Variants in ZNF7 observed in about 807,000 individuals in gnomAD.
The protein encoded by ZNF7 is C2-H2 type zinc finger protein.
ZNF7 carries 10 observed loss-of-function variants against 12.0 expected under a neutral mutation model. The observed-to-expected ratio is 0.83, with a 90% CI of 0.51 to 1.42. The LOEUF (loss-of-function observed/expected upper bound fraction) is 1.42. Ranked by LOEUF, ZNF7 falls within the 40% of genes most tolerant of loss-of-function variation. ZNF7 has a pLI of 0.00. For missense variants in ZNF7, 854 were observed against 837.2 expected (o/e 1.02, Z -0.25); for synonymous variants, 334 against 295.0 (o/e 1.13, Z -1.35).
chr8:144,840,260 C>T (rs561075724), intron 4 of ZNF7, among the ~76,000 whole-genome samples: 2 of 152,212 alleles, frequency 1.3e-5, no homozygotes, highest in East Asian at 3.9e-4. Flanking sequence ...CCTTGAGCAT[C>T]CCTGCTACAC....
rs1241882831 is a variant in ZNF7 at position 144,843,536 on chromosome 8, T to TGG, written c.*369_*370insGG. The TGG allele has an allele frequency of 6.7e-6, 1 of 148,360 alleles. No individual in the cohort carries two copies. The highest frequency in any genetic ancestry group is 7.8e-5 in the Admixed American group (1 of 12,866). 9.2% of individuals were successfully genotyped at this position (148,360 alleles called of 1,614,324 possible). A position where few individuals can be genotyped will look rare whatever the true frequency, so the allele number is the denominator to read the frequency against. ...CCAGGAGGCGGAGCTTGCAGTGAGC[T>TGG]GAGATCGCGCCACTGCACTCCAGCC... On this transcript the variant is annotated 3_prime_UTR_variant, in exon 5 of 5. Transcript: ENST00000532777.
chr8:144,842,901 A>ACAC lies in ZNF7; in HGVS notation c.1797_1799dup (p.His599dup). On this transcript the variant is annotated inframe_insertion, in exon 5 of 5. Transcript: ENST00000532777. ...TCAGCCGGAGCTCATATCTTATTGA[A>ACAC]CACCAGAGAATACACACTAGGGCCC... 1 of 1,614,200 alleles carries ACAC rather than the reference A, an allele frequency of 6.2e-7. No homozygotes were observed. Among genetic ancestry groups the ACAC allele is most frequent in the Non-Finnish European group, 8.5e-7 (1 of 1,180,036 alleles).
chr8:144,836,490 A>G (rs1294272853), intron 3 of ZNF7: 1 of 152,186 alleles, frequency 6.6e-6, no homozygotes, highest in Non-Finnish European at 1.5e-5. Flanking sequence ...ACTGAGTTGC[A>G]TTTGCCTGGG....
intron 3 of ZNF7, chr8:144,835,026 G>A (rs1375404808): frequency 6.6e-6 from 1 of 151,608 alleles, no homozygotes; most frequent in East Asian, 1.9e-4. Context: ...ACAGGCATGA[G>A]CCACCACGAC....
chr8:144,844,432 C>G (rs901523342), downstream of ZNF7, among the ~76,000 whole-genome samples: 2 of 151,974 alleles, frequency 1.3e-5, no homozygotes, highest in African/African-American at 2.4e-5. Context: ...GAAAATGGGC[C>G]GGGCGTGGTG....
downstream of ZNF7, among the ~76,000 whole-genome samples, chr8:144,844,726 A>AAAC (rs1563850648): frequency 0.02 from 1,200 of 60,808 alleles, 32 homozygotes; most frequent in African/African-American, 0.072. Context: ...AAAAAAAAAA[A>AAAC]AAAAAAAAAA....
At chr8:144,841,002 C>CA (rs1209727830) in intron 4 of ZNF7, 1 of 229,014 alleles carries the variant, frequency 4.4e-6, no homozygotes, top group African/African-American at 2.3e-5. Flanking sequence ...CCTGACCCCG[C>CA]AGCCCAATCC....
chr8:144,828,321 T>C lies in ZNF7; in HGVS notation c.-46+712T>C, dbSNP rs553523732. Among the ~76,000 whole-genome samples the C allele has an allele frequency of 2.6e-5, 4 of 152,360 alleles. No homozygotes were observed. In the East Asian group the frequency reaches 7.7e-4, roughly 29 times the overall value. On this transcript the variant is annotated intron_variant, in intron 1 of 4. Transcript: ENST00000532777. Reference sequence around the variant, plus strand: ...TACATCCCTGTGCCTGGTTCCATCCTGGCGACAGGTGAGCTGGAGACTGGA... The same window carrying C: ...TACATCCCTGTGCCTGGTTCCATCCCGGCGACAGGTGAGCTGGAGACTGGA...
intron 4 of ZNF7, 148 bp from the exon 5 acceptor site, chr8:144,841,207 C>T (rs1829863212): frequency 1.3e-6 from 1 of 773,958 alleles, no homozygotes; most frequent in Non-Finnish European, 2.1e-6. Context: ...GTCAAAGGCT[C>T]TGCCTTCTCT....
At chr8:144,829,770 C>T (rs1828217325) in intron 3 of ZNF7, 166 bp downstream of exon 3, 1 of 890,674 alleles carries the variant, frequency 1.1e-6, no homozygotes, top group East Asian at 2.9e-5. Flanking sequence ...CTAGCTTTGC[C>T]CATGTCATGG....
In ZNF7 at chr8:144,841,467, T is replaced by C. The variant is rs1400594784; in HGVS notation, c.360T>C (p.Pro120=). The C allele has an allele frequency of 6.2e-7, 1 of 1,614,124 alleles. No individual in the cohort carries two copies. Among genetic ancestry groups the C allele is most frequent in the African/African-American group, 1.3e-5 (1 of 74,954 alleles). Residue 120 remains proline (P), a synonymous_variant, in exon 5 of 5, where the codon CCT becomes CCC. Coordinates refer to ENST00000532777, the MANE Select transcript of ZNF7 (RefSeq NM_003416.4). ...CCCCACAGGACTTTCCTCAGAATCC[T>C]GGCTTTGGAGACGTTTCTGATTCTG... is the stretch of plus-strand genomic sequence containing the variant. ...RISPQDFPQN[P]GFGDVSDSEV...
intron 3 of ZNF7, among the ~76,000 whole-genome samples, chr8:144,832,961 G>C (rs1828607842): frequency 6.6e-6 from 1 of 152,164 alleles, no homozygotes; most frequent in East Asian, 1.9e-4. Context: ...TTTGAAGTAG[G>C]CCGAGGTGGG....
intron 3 of ZNF7, chr8:144,834,028 C>CG (rs1828730676): frequency 1.3e-5 from 2 of 151,430 alleles, no homozygotes; most frequent in Middle Eastern, 3.4e-3. Flanking sequence ...CCGTCTGCCT[C>CG]GACCTCCCAA....
chr8:144,830,691 C>T lies in ZNF7; in HGVS notation c.130+1087C>T, dbSNP rs374688600. 7.3e-5 allele frequency among the ~76,000 whole-genome samples: 11 copies of T among 150,568 alleles called. No individual in the cohort carries two copies. In the South Asian group the frequency reaches 2.3e-3, roughly 32 times the overall value. On this transcript the variant is annotated intron_variant, in intron 3 of 4. Coordinates refer to ENST00000532777, the MANE Select transcript of ZNF7 (RefSeq NM_003416.4). ...CTCATTTAGATGTGGTTTACCCTGT[C>T]TCACTGAAATAGGAAAAGACACATG...
chr8:144,846,108 C>T, downstream of ZNF7: 1 of 1,523,078 alleles, frequency 6.6e-7, no homozygotes, highest in Non-Finnish European at 8.7e-7. Flanking sequence ...CTCTCGTCAT[C>T]TCCTCTTGGC....
chr8:144,829,779 G>T (rs1453845073), intron 3 of ZNF7, 175 bp downstream of exon 3: 2 of 769,998 alleles, frequency 2.6e-6, no homozygotes, highest in Admixed American at 3.4e-5. Flanking sequence ...CCCATGTCAT[G>T]GGGTTCAGCC....
chr8:144,833,875 G>A (rs182308597), intron 3 of ZNF7: 10 of 151,948 alleles, frequency 6.6e-5, no homozygotes, highest in African/African-American at 2.2e-4. Flanking sequence ...CCGGCTGTTG[G>A]GTTCAAGTGA....
intron 1 of ZNF7, chr8:144,828,179 G>C (rs1828009543): frequency 6.6e-6 from 1 of 152,174 alleles, no homozygotes; most frequent in Admixed American, 6.5e-5. Flanking sequence ...CCACTTTCTG[G>C]GCCAGAAGCT....
intron 3 of ZNF7, among the ~76,000 whole-genome samples, chr8:144,831,459 C>T (rs1186824517): frequency 3.3e-5 from 5 of 152,148 alleles, no homozygotes; most frequent in Non-Finnish European, 1.5e-5. Context: ...TTCCTAGATG[C>T]GTCCAAGAGA....
Sources: gnomAD v4.1 joint callset for allele counts (sites outside exome capture counted in the v4.1 genomes callset) on GRCh38, gnomAD v4.1.1 for gene constraint, MANE v1.5 for transcripts, NCBI Gene and HGNC (gene_info 2026-07-23, HGNC 2026-07-21) for gene names.